The following NPBWR1 variants were observed in gnomAD, a reference collection of about 807,000 sequenced individuals.
NPBWR1 encodes the protein neuropeptides B/W receptor type 1.
In NPBWR1, 4 loss-of-function variants were observed where a neutral mutation model predicts 2.8. That is an observed-to-expected ratio of 1.44 (90% CI 0.71 to 3.29). The LOEUF (loss-of-function observed/expected upper bound fraction) is 3.29, where lower values mean the gene tolerates loss of function less well. Among genes scored for constraint, NPBWR1 ranks in the 30% most tolerant of loss-of-function variants. The pLI is 0.01. For synonymous variants in NPBWR1, 250 were observed against 224.5 expected (o/e 1.11, Z -1.02); for missense variants, 545 against 462.5 (o/e 1.18, Z -1.64).
chr8:52,940,226 C>G lies in NPBWR1; in HGVS notation c.319C>G (p.Leu107Val). The change falls in exon 2 of 2, where the codon CTC becomes GTC. Residue 107 changes from leucine to valine, a missense_variant. Coordinates refer to ENST00000674939, the MANE Select transcript of NPBWR1 (RefSeq NM_005285.5). ...FLLRQWPFGE[L>V]MCKLIVAIDQ... ...GCTGCGGCAGTGGCCCTTCGGGGAG[C>G]TCATGTGCAAGCTCATCGTGGCTAT... is the stretch of plus-strand genomic sequence containing the variant. 6.2e-7 allele frequency: 1 copy of G among 1,613,844 alleles called. No individual in the cohort carries two copies. The highest frequency in any genetic ancestry group is 8.5e-7 in the Non-Finnish European group (1 of 1,180,008).
chr8:52,942,078 T>C lies in NPBWR1; in HGVS notation c.*1184T>C, dbSNP rs1055623565. The stretch of plus-strand genomic sequence containing the variant: ...AAATAAGATAAAAAGAAATGCGATC[T>C]ATTCTCTTGTGTTCCCTTTCTCCTC... On this transcript the variant is annotated 3_prime_UTR_variant, in exon 2 of 2. Coordinates refer to ENST00000674939, the MANE Select transcript of NPBWR1 (RefSeq NM_005285.5). Among the ~76,000 whole-genome samples, 2 of 152,274 alleles carry C rather than the reference T, an allele frequency of 1.3e-5. No homozygotes were observed. Among genetic ancestry groups the C allele is most frequent in the Non-Finnish European group, 2.9e-5 (2 of 68,052 alleles).
rs143671228 is a variant in NPBWR1 at position 52,940,220 on chromosome 8, G to C, written c.313G>C (p.Gly105Arg). 7 of 1,613,632 alleles carry C rather than the reference G, an allele frequency of 4.3e-6. No homozygotes were observed. The highest frequency in any genetic ancestry group is 1.1e-5 in the South Asian group (1 of 91,080). ...CTTCCTGCTGCGGCAGTGGCCCTTC[G>C]GGGAGCTCATGTGCAAGCTCATCGT... ...ADFLLRQWPF[G>R]ELMCKLIVAI... Residue 105 changes from glycine (G) to arginine (R), a missense_variant, in exon 2 of 2, where the codon GGG becomes CGG. Gly to Arg is a moderately radical substitution (Grantham distance 125). Transcript: ENST00000674939.
chr8:52,942,269 C>A lies in NPBWR1; in HGVS notation c.*1375C>A, dbSNP rs1802895265. ...CCCGGTAAACCGGGTAAATACTGGT[C>A]CTGGAGTCACCAGGGAGATTGGCCA... On this transcript the variant is annotated 3_prime_UTR_variant, in exon 2 of 2. Transcript: ENST00000674939. 6.6e-6 allele frequency among the ~76,000 whole-genome samples: 1 copy of A among 152,182 alleles called. No homozygotes were observed. The highest frequency in any genetic ancestry group is 1.5e-5 in the Non-Finnish European group (1 of 68,032).
rs1361083870 is a variant in NPBWR1, at chr8:52,943,542, T to A, written c.*2648T>A. On this transcript the variant is annotated 3_prime_UTR_variant, in exon 2 of 2. Coordinates refer to ENST00000674939, the MANE Select transcript of NPBWR1 (RefSeq NM_005285.5). ...AGGTTTTAACACTGTGTTGAATTCTTGCAGTTTCTGTGTAAACTCTATGGT... is the reference window on the plus strand; with the variant it reads ...AGGTTTTAACACTGTGTTGAATTCTAGCAGTTTCTGTGTAAACTCTATGGT... 6.6e-6 allele frequency among the ~76,000 whole-genome samples: 1 copy of A among 152,250 alleles called. No homozygotes were observed. The highest frequency in any genetic ancestry group is 2.4e-5 in the African/African-American group (1 of 41,464).
rs370505593 is a variant in NPBWR1 at position 52,940,901 on chromosome 8, C to A, written c.*7C>A. 4 of 1,582,802 alleles carry A rather than the reference C, an allele frequency of 2.5e-6. No homozygotes were observed. Among genetic ancestry groups the A allele is most frequent in the Non-Finnish European group, 2.6e-6 (3 of 1,166,164 alleles). On this transcript the variant is annotated 3_prime_UTR_variant, in exon 2 of 2. Transcript: ENST00000674939. ...TTGCCGCGCGGCAGCCTGACTCCCC[C>A]AGCGTCCGGCTCCGCAACTGCCCGC... is the stretch of plus-strand genomic sequence containing the variant.
rs199844618 is a variant in NPBWR1, at chr8:52,940,941, G to C, written c.*47G>C. On this transcript the variant is annotated 3_prime_UTR_variant, in exon 2 of 2. Coordinates refer to ENST00000674939, the MANE Select transcript of NPBWR1 (RefSeq NM_005285.5). ...CAACTGCCCGCCACTCCTGGCCAGC[G>C]AGGGAGGAGCCGGCGCCAGAGTGCG... 3,993 of 1,546,750 alleles carry C rather than the reference G, an allele frequency of 2.6e-3. 7 individuals carry two copies. Among genetic ancestry groups the C allele is most frequent in the Non-Finnish European group, 3.2e-3 (3,724 of 1,151,482 alleles).
Position 52,940,636 on chromosome 8 carries a change from G to A in NPBWR1, c.729G>A (p.Glu243=), listed in dbSNP as rs1371805809. Residue 243 remains glutamate, a synonymous_variant, in exon 2 of 2, where the codon GAG becomes GAA. Transcript: ENST00000674939. The part of the protein sequence containing the change: ...MRLDSHAKAL[E]RAKKRVTFLV... ...TGGACAGCCACGCCAAGGCCCTGGA[G>A]CGCGCCAAGAAGCGGGTGACCTTCC... 1.9e-6 allele frequency: 3 copies of A among 1,609,590 alleles called. No homozygotes were observed. The highest frequency in any genetic ancestry group is 8.5e-7 in the Non-Finnish European group (1 of 1,179,050).
Position 52,940,513 on chromosome 8 carries a change from G to T in NPBWR1, c.606G>T (p.Ala202=). The T allele has an allele frequency of 6.3e-7, 1 of 1,585,592 alleles. No individual in the cohort carries two copies. ...AGCCCGAGGCCTTCTGGTGGCGCGC[G>T]AGCCGCCTCTACACGCTCGTGCTGG... The part of the protein sequence containing the change: ...FPQPEAFWWR[A]SRLYTLVLGF... Residue 202 remains alanine, a synonymous_variant, in exon 2 of 2, where the codon GCG becomes GCT. Transcript: ENST00000674939.
Position 52,940,883 on chromosome 8 carries a change from G to C in NPBWR1, c.976G>C (p.Ala326Pro). Residue 326 changes from alanine (A) to proline (P), a missense_variant, in exon 2 of 2, where the codon GCG (alanine) becomes CCG (proline). Physicochemically the swap from Ala to Pro is conservative, Grantham distance 27. Coordinates refer to ENST00000674939, the MANE Select transcript of NPBWR1 (RefSeq NM_005285.5). ...CCTCCGCCAGCTGATAACTTGCCGC[G>C]CGGCAGCCTGACTCCCCCAGCGTCC... ...RNLRQLITCRAAA is the reference protein window; with the variant it reads ...RNLRQLITCRPAA The C allele has an allele frequency of 6.2e-7, 1 of 1,600,982 alleles. No individual in the cohort carries two copies.
rs140373094 is a variant in NPBWR1 at position 52,940,549 on chromosome 8, C to A, written c.642C>A (p.Ile214=). ...ACACGCTCGTGCTGGGCTTCGCCAT[C>A]CCCGTGTCCACCATCTGTGTCCTCT... is the stretch of plus-strand genomic sequence containing the variant. The part of the protein sequence containing the change: ...RLYTLVLGFA[I]PVSTICVLYT... Residue 214 remains isoleucine, a synonymous_variant, in exon 2 of 2, where the codon ATC becomes ATA. Coordinates refer to ENST00000674939, the MANE Select transcript of NPBWR1 (RefSeq NM_005285.5). 1.3e-6 allele frequency: 2 copies of A among 1,597,412 alleles called. No homozygotes were observed. The highest frequency in any genetic ancestry group is 1.3e-5 in the African/African-American group (1 of 74,770).
Position 52,940,880 on chromosome 8 carries a change from C to A in NPBWR1, c.973C>A (p.Arg325Ser). ...RRNLRQLITC[R>S]AAA ...GAACCTCCGCCAGCTGATAACTTGC[C>A]GCGCGGCAGCCTGACTCCCCCAGCG... The change falls in exon 2 of 2, where the codon CGC becomes AGC. Residue 325 changes from arginine to serine, a missense_variant. By Grantham distance (110) the Arg-to-Ser change is moderately radical. Transcript: ENST00000674939. 1 of 1,603,432 alleles carries A rather than the reference C, an allele frequency of 6.2e-7. No individual in the cohort carries two copies. The highest frequency in any genetic ancestry group is 8.5e-7 in the Non-Finnish European group (1 of 1,174,644).
At position 52,943,114 on chromosome 8, in the gene NPBWR1, TCTGTC is replaced by T. The variant is rs1189731683; in HGVS notation, c.*2221_*2225del. 6.6e-6 allele frequency among the ~76,000 whole-genome samples: 1 copy of T among 152,234 alleles called. No individual in the cohort carries two copies. The highest frequency in any genetic ancestry group is 2.4e-5 in the African/African-American group (1 of 41,450). On this transcript the variant is annotated 3_prime_UTR_variant, in exon 2 of 2. Coordinates refer to ENST00000674939, the MANE Select transcript of NPBWR1 (RefSeq NM_005285.5). ...GTGATTGTCTGGATTCAGTATCTCA[TCTGTC>T]TTAATAAGCTCAGTAACTGGACTCA...
chr8:52,939,881 GT>G lies in NPBWR1; in HGVS notation c.-26del. 1 of 1,496,486 alleles carries G rather than the reference GT, an allele frequency of 6.7e-7. No homozygotes were observed. The highest frequency in any genetic ancestry group is 1.4e-5 in the South Asian group (1 of 73,850). The allele number at this position is 1,496,486 out of a possible 1,614,324, so 92.7% of individuals were successfully genotyped here. A position where few individuals can be genotyped will look rare whatever the true frequency, so the allele number is the denominator to read the frequency against. Reference sequence around the variant, plus strand: ...GTAGGGCGTCCTTGGGGGACGCCAGGTCGCCGGCTCCTCTGCCCTCGTTGAG... The same window carrying G: ...GTAGGGCGTCCTTGGGGGACGCCAGGCGCCGGCTCCTCTGCCCTCGTTGAG... On this transcript the variant is annotated 5_prime_UTR_variant, in exon 2 of 2. Coordinates refer to ENST00000674939, the MANE Select transcript of NPBWR1 (RefSeq NM_005285.5).
chr8:52,940,529 C>T lies in NPBWR1; in HGVS notation c.622C>T (p.Leu208Phe), dbSNP rs1433855723. 6.3e-7 allele frequency: 1 copy of T among 1,594,684 alleles called. No individual in the cohort carries two copies. The highest frequency in any genetic ancestry group is 1.1e-5 in the South Asian group (1 of 89,170). Residue 208 changes from leucine to phenylalanine, a missense_variant, in exon 2 of 2, where the codon CTC becomes TTC. Coordinates refer to ENST00000674939, the MANE Select transcript of NPBWR1 (RefSeq NM_005285.5). ...FWWRASRLYT[L>F]VLGFAIPVST... ...GTGGCGCGCGAGCCGCCTCTACACG[C>T]TCGTGCTGGGCTTCGCCATCCCCGT...
chr8:52,940,902 A>G lies in NPBWR1; in HGVS notation c.*8A>G. 2 of 1,581,752 alleles carry G rather than the reference A, an allele frequency of 1.3e-6. No individual in the cohort carries two copies. Among genetic ancestry groups the G allele is most frequent in the Non-Finnish European group, 1.7e-6 (2 of 1,165,612 alleles). ...TGCCGCGCGGCAGCCTGACTCCCCC[A>G]GCGTCCGGCTCCGCAACTGCCCGCC... On this transcript the variant is annotated 3_prime_UTR_variant, in exon 2 of 2. Coordinates refer to ENST00000674939, the MANE Select transcript of NPBWR1 (RefSeq NM_005285.5).
rs1454709676 is a variant in NPBWR1 at position 52,940,378 on chromosome 8, G to A, written c.471G>A (p.Ala157=). The change falls in exon 2 of 2, where the codon GCG becomes GCA. Residue 157 remains alanine, a synonymous_variant. Transcript: ENST00000674939. The stretch of plus-strand genomic sequence containing the variant: ...GCCGCACCTACAGCGCCGCGCGCGC[G>A]GTGAGCCTGGCCGTGTGGGGGATCG... ...VAGRTYSAAR[A]VSLAVWGIVT... The A allele has an allele frequency of 1.2e-6, 2 of 1,603,894 alleles. No individual in the cohort carries two copies. Among genetic ancestry groups the A allele is most frequent in the East Asian group, 4.5e-5 (2 of 44,722 alleles).
In NPBWR1 at chr8:52,940,426, C is replaced by T. The variant is rs559581975; in HGVS notation, c.519C>T (p.Phe173=). The change falls in exon 2 of 2, where the codon TTC becomes TTT. Residue 173 remains phenylalanine, a synonymous_variant. Transcript: ENST00000674939. ...WGIVTLVVLP[F]AVFARLDDEQ... is the part of the protein sequence containing the mutation. ...TCGTCACACTCGTCGTGCTGCCCTT[C>T]GCAGTCTTCGCCCGGCTAGACGACG... is the stretch of plus-strand genomic sequence containing the variant. The T allele has an allele frequency of 2.8e-5, 44 of 1,598,244 alleles. No homozygotes were observed. Among genetic ancestry groups the T allele is most frequent in the Middle Eastern group, 1.7e-4 (1 of 6,054 alleles).
chr8:52,941,067 T>C lies in NPBWR1; in HGVS notation c.*173T>C. On this transcript the variant is annotated 3_prime_UTR_variant, in exon 2 of 2. Transcript: ENST00000674939. ...TGCGACTGTGCCCGCAGGTTGACCT[T>C]GCCAAGCCCTCCAGGTGATGCGCGG... 1 of 848,562 alleles carries C rather than the reference T, an allele frequency of 1.2e-6. No individual in the cohort carries two copies. Among genetic ancestry groups the C allele is most frequent in the South Asian group, 1.9e-5 (1 of 53,400 alleles). 52.6% of individuals were successfully genotyped at this position (848,562 alleles called of 1,614,324 possible).
In NPBWR1 at chr8:52,941,008, G is replaced by T. The variant is rs1202237345; in HGVS notation, c.*114G>T. ...CTAGGCCTCCTGGGGAAACCGACTCGCGCCCCATACCCGACCTAGCAGATC... is the reference window on the plus strand; with the variant it reads ...CTAGGCCTCCTGGGGAAACCGACTCTCGCCCCATACCCGACCTAGCAGATC... On this transcript the variant is annotated 3_prime_UTR_variant, in exon 2 of 2. Transcript: ENST00000674939. The T allele has an allele frequency of 1.4e-5, 19 of 1,360,278 alleles. No individual in the cohort carries two copies. In the East Asian group the frequency reaches 4.5e-4, roughly 32 times the overall value. The allele number at this position is 1,360,278 out of a possible 1,614,324, so 84.3% of individuals were successfully genotyped here. A position where few individuals can be genotyped will look rare whatever the true frequency, so the allele number is the denominator to read the frequency against.
Sources: allele counts gnomAD v4.1 joint callset (sites outside exome capture counted in the v4.1 genomes callset), GRCh38; gene constraint gnomAD v4.1.1; transcripts MANE v1.5; gene names NCBI Gene and HGNC (gene_info 2026-07-23, HGNC 2026-07-21).